NREP: variants seen among roughly 807,000 people sequenced by gnomAD.
The protein encoded by NREP is neuronal regeneration related protein.
In NREP, 5 loss-of-function variants were observed where a neutral mutation model predicts 8.6. The observed-to-expected ratio is 0.58, with a 90% CI of 0.30 to 1.22. NREP has a LOEUF of 1.22. Ranked by LOEUF, NREP falls within the 50% of genes most tolerant of loss-of-function variation. NREP has a pLI of 0.07. For synonymous variants in NREP, 27 were observed against 28.0 expected (o/e 0.96, Z 0.11); for missense variants, 86 against 82.5 (o/e 1.04, Z -0.17).
chr5:111,968,012 A>G (rs1242205860), intron 2 of NREP, among the ~76,000 whole-genome samples: 1 of 152,194 alleles, frequency 6.6e-6, no homozygotes, highest in African/African-American at 2.4e-5. Flanking sequence ...AATTAAAGGA[A>G]TTTAACTAGG....
At position 111,729,790 on chromosome 5, in the gene NREP, C is replaced by A. The variant is rs1466744287; in HGVS notation, c.*1131G>T. 6.6e-6 allele frequency: 1 copy of A among 152,542 alleles called. No homozygotes were observed. Among genetic ancestry groups the A allele is most frequent in the Non-Finnish European group, 1.5e-5 (1 of 68,038 alleles). 9.4% of individuals were successfully genotyped at this position (152,542 alleles called of 1,614,324 possible). On this transcript the variant is annotated 3_prime_UTR_variant, in exon 4 of 4. Coordinates refer to ENST00000257435, the MANE Select transcript of NREP (RefSeq NM_004772.4). ...GACAAAAATGTAAATCTACACCTTG[C>A]TTATCAAAATTGCCGAAAAAAGAAT...
chr5:111,883,693 G>A (rs1342776317), intron 2 of NREP, among the ~76,000 whole-genome samples: 1 of 152,050 alleles, frequency 6.6e-6, no homozygotes, highest in Non-Finnish European at 1.5e-5. Flanking sequence ...TCAACTACAT[G>A]GAAACTGAAC....
intron 2 of NREP, among the ~76,000 whole-genome samples, chr5:111,808,395 T>A (rs1752193254): frequency 6.6e-6 from 1 of 152,244 alleles, no homozygotes; most frequent in South Asian, 2.1e-4. Context: ...GTCTTCTCTA[T>A]TAGGCTGGTT....
chr5:111,905,953 G>A (rs1243186176), intron 2 of NREP, among the ~76,000 whole-genome samples: 1 of 152,008 alleles, frequency 6.6e-6, no homozygotes, highest in Non-Finnish European at 1.5e-5. Flanking sequence ...GGTTTTTGAA[G>A]TGGTAAAGTT....
At chr5:111,737,715 TA>T (rs554103997) in intron 2 of NREP, among the ~76,000 whole-genome samples, 4,975 of 119,562 alleles carry the variant, frequency 0.042, 92 homozygotes, top group African/African-American at 0.057. Context: ...CTCCATTTGC[TA>T]AAAAAAAAAA....
intron 2 of NREP, among the ~76,000 whole-genome samples, chr5:111,866,098 C>G (rs1185313182): frequency 6.6e-6 from 1 of 152,162 alleles, no homozygotes; most frequent in African/African-American, 2.4e-5. Context: ...TGGGCAAGGA[C>G]TTCATGTCTA....
chr5:111,843,892 G>T (rs896071064), intron 2 of NREP, among the ~76,000 whole-genome samples: 1 of 152,164 alleles, frequency 6.6e-6, no homozygotes, highest in East Asian at 1.9e-4. Flanking sequence ...ATAGTCTAAG[G>T]CCTGGGCCAC....
chr5:111,740,286 T>C (rs1035165379), intron 2 of NREP, among the ~76,000 whole-genome samples: 1 of 152,178 alleles, frequency 6.6e-6, no homozygotes, highest in Non-Finnish European at 1.5e-5. Flanking sequence ...ACCAATTTTA[T>C]GCTTTTGGGT....
chr5:111,735,007 A>C (rs1019834177), intron 3 of NREP: 2 of 372,996 alleles, frequency 5.4e-6, no homozygotes, highest in Non-Finnish European at 9.5e-6. Context: ...GAAGAAAGAA[A>C]TGTAACAGTT....
chr5:111,933,348 G>A (rs1339655817), intron 2 of NREP, among the ~76,000 whole-genome samples: 2 of 152,034 alleles, frequency 1.3e-5, no homozygotes, highest in African/African-American at 4.8e-5. Flanking sequence ...GAGACATGCT[G>A]TCATTTAGGT....
At chr5:111,786,473 A>G (rs1427450996) in intron 2 of NREP, among the ~76,000 whole-genome samples, 2 of 152,214 alleles carry the variant, frequency 1.3e-5, no homozygotes, top group South Asian at 2.1e-4. Context: ...AAGATGTCCA[A>G]AAGTCTTCAA....
intron 2 of NREP, among the ~76,000 whole-genome samples, chr5:111,783,238 G>A (rs536691887): frequency 6.6e-6 from 1 of 152,270 alleles, no homozygotes; most frequent in East Asian, 1.9e-4. Context: ...AAGGAGCAGG[G>A]ATCATGTACT....
chr5:111,927,871 C>T (rs139973423), intron 2 of NREP, among the ~76,000 whole-genome samples: 1 of 152,288 alleles, frequency 6.6e-6, no homozygotes, highest in East Asian at 1.9e-4. Flanking sequence ...CCAGGTGCAT[C>T]CTCAACCTTG....
intron 2 of NREP, among the ~76,000 whole-genome samples, chr5:111,874,863 T>A (rs147695179): frequency 2.6e-5 from 4 of 152,310 alleles, no homozygotes; most frequent in African/African-American, 9.6e-5. Context: ...AGGCTTGGAA[T>A]GCCAGATCTA....
chr5:111,873,936 C>T (rs371959025), intron 2 of NREP, among the ~76,000 whole-genome samples: 2 of 151,938 alleles, frequency 1.3e-5, no homozygotes, highest in Non-Finnish European at 2.9e-5. Flanking sequence ...TTTCTTTCTA[C>T]AAACAAAGGT....
At chr5:111,911,622 G>A (rs1312566551) in intron 2 of NREP, among the ~76,000 whole-genome samples, 1 of 152,008 alleles carries the variant, frequency 6.6e-6, no homozygotes, top group Non-Finnish European at 1.5e-5. Flanking sequence ...AACTAGATGA[G>A]AAAAGGAGAT....
At chr5:111,945,555 G>C (rs998469565) in intron 2 of NREP, among the ~76,000 whole-genome samples, 1 of 150,920 alleles carries the variant, frequency 6.6e-6, no homozygotes, top group Non-Finnish European at 1.5e-5. Flanking sequence ...AAGGAAAGAA[G>C]AAACAGAAGA....
chr5:111,942,909 A>T (rs549776911), intron 2 of NREP, among the ~76,000 whole-genome samples: 1 of 152,066 alleles, frequency 6.6e-6, no homozygotes, highest in African/African-American at 2.4e-5. Flanking sequence ...TCTAGTAATT[A>T]TATTGTAAGG....
chr5:111,836,691 G>A lies in NREP; in HGVS notation c.136-101184C>T, dbSNP rs756191247. On this transcript the variant is annotated intron_variant, in intron 2 of 3. Coordinates refer to the NREP transcript ENST00000395634. Reference sequence around the variant, plus strand: ...CATTCTAAATTTTCTTATAGCCAGGGAGAGCTGGCAGTGGTTGTGACATGG... The same window carrying A: ...CATTCTAAATTTTCTTATAGCCAGGAAGAGCTGGCAGTGGTTGTGACATGG... Among the ~76,000 whole-genome samples the A allele has an allele frequency of 2.0e-5, 3 of 152,036 alleles. No homozygotes were observed. The East Asian group carries it at 5.8e-4, about 29-fold the overall frequency.
Sources: gnomAD v4.1 joint callset for allele counts (sites outside exome capture counted in the v4.1 genomes callset) on GRCh38, gnomAD v4.1.1 for gene constraint, MANE v1.5 for transcripts, NCBI Gene and HGNC (gene_info 2026-07-23, HGNC 2026-07-21) for gene names.